Variants in MNAT1 observed in about 807,000 individuals in gnomAD.
MNAT1 encodes CDK-activating kinase assembly factor MAT1.
Under a neutral mutation model 42.0 loss-of-function variants are expected in MNAT1, and 43 were observed. The ratio of observed to expected loss-of-function variants is 1.02; its 90% CI spans 0.80 to 1.32. The LOEUF is 1.32. Among genes scored for constraint, MNAT1 ranks in the 40% most tolerant of loss-of-function variants. MNAT1 has a pLI of 0.00. For synonymous variants in MNAT1, 118 were observed against 120.0 expected, an observed-to-expected ratio of 0.98 and a Z score of 0.11; for missense variants, 306 against 350.4, an observed-to-expected ratio of 0.87 and a Z score of 1.01.
At chr14:60,936,944 T>A (rs2036010987) in intron 7 of MNAT1, among the ~76,000 whole-genome samples, 2 of 152,130 alleles carry the variant, frequency 1.3e-5, no homozygotes, top group Non-Finnish European at 1.5e-5. Context: ...GGTATCTCAT[T>A]GTGGTTTTGA....
chr14:60,954,811 G>A (rs979607618), intron 7 of MNAT1, among the ~76,000 whole-genome samples: 2 of 152,076 alleles, frequency 1.3e-5, no homozygotes, highest in African/African-American at 2.4e-5. Flanking sequence ...TAAAGGAAAA[G>A]CTTTCAACTT....
intron 7 of MNAT1, among the ~76,000 whole-genome samples, chr14:60,947,448 C>T (rs777124778): frequency 2.0e-5 from 3 of 151,974 alleles, no homozygotes; most frequent in Admixed American, 6.6e-5. Context: ...TTTGGGAGGC[C>T]GAGGCGGGTG....
intron 6 of MNAT1, among the ~76,000 whole-genome samples, chr14:60,869,888 G>A (rs1022213652): frequency 6.6e-6 from 1 of 152,052 alleles, no homozygotes; most frequent in African/African-American, 2.4e-5. Flanking sequence ...AACATAGTAT[G>A]TGTTTAGAGT....
chr14:60,941,945 A>G (rs2036170630), intron 7 of MNAT1, among the ~76,000 whole-genome samples: 1 of 126,786 alleles, frequency 7.9e-6, no homozygotes, highest in Non-Finnish European at 1.6e-5. Context: ...CGGAACTTGC[A>G]GTGAGCCGAG....
intron 7 of MNAT1, among the ~76,000 whole-genome samples, chr14:60,958,794 G>A (rs545456691): frequency 7.9e-5 from 12 of 151,470 alleles, no homozygotes; most frequent in African/African-American, 2.2e-4. Flanking sequence ...CCACCACCAC[G>A]CCTGGCTAAT....
chr14:60,895,836 T>C (rs1038241424), intron 7 of MNAT1, among the ~76,000 whole-genome samples: 1 of 152,172 alleles, frequency 6.6e-6, no homozygotes, highest in Non-Finnish European at 1.5e-5. Context: ...GTTGAAACTA[T>C]GTGACATGGT....
At chr14:60,888,486 A>C (rs1372076653) in intron 7 of MNAT1, among the ~76,000 whole-genome samples, 7 of 152,142 alleles carry the variant, frequency 4.6e-5, no homozygotes, top group African/African-American at 1.7e-4. Context: ...CCCATAGCCA[A>C]TATCATACAG....
intron 6 of MNAT1, among the ~76,000 whole-genome samples, chr14:60,867,270 C>T (rs192630337): frequency 1.3e-5 from 2 of 152,154 alleles, no homozygotes; most frequent in African/African-American, 4.8e-5. Flanking sequence ...GGTGCTGTGT[C>T]TGCAGGATGA....
chr14:60,828,418 C>T (rs1462532003), intron 6 of MNAT1, among the ~76,000 whole-genome samples: 2 of 151,806 alleles, frequency 1.3e-5, no homozygotes, highest in Non-Finnish European at 2.9e-5. Context: ...AATTTTGTAC[C>T]GTGTAGTTTT....
intron 6 of MNAT1, among the ~76,000 whole-genome samples, chr14:60,845,928 A>G (rs771409772): frequency 7.9e-5 from 12 of 152,106 alleles, no homozygotes; most frequent in Non-Finnish European, 1.3e-4. Context: ...TCTGCTTTCT[A>G]GAAGAGTTTC....
intron 7 of MNAT1, among the ~76,000 whole-genome samples, chr14:60,890,559 A>T (rs2034816435): frequency 6.6e-6 from 1 of 152,218 alleles, no homozygotes; most frequent in South Asian, 2.1e-4. Context: ...AGCCAGTCCG[A>T]GTCCCAAAAT....
intron 7 of MNAT1, among the ~76,000 whole-genome samples, chr14:60,934,329 G>T (rs536257598): frequency 7.9e-5 from 12 of 152,274 alleles, no homozygotes; most frequent in African/African-American, 1.7e-4. Context: ...GCCCTATTTT[G>T]TCTGGGTCTG....
In MNAT1 at chr14:60,968,323, A is replaced by G. The variant is rs1454761201; in HGVS notation, c.904A>G (p.Ser302Gly). The G allele has an allele frequency of 1.2e-6, 2 of 1,612,716 alleles. No homozygotes were observed. Among genetic ancestry groups the G allele is most frequent in the Non-Finnish European group, 8.5e-7 (1 of 1,179,646 alleles). Residue 302 changes from serine (S) to glycine (G), a missense_variant, in exon 8 of 8, where the codon AGT becomes GGT. Ser to Gly is a moderately conservative substitution (Grantham distance 56, BLOSUM62 0). This residue lies in a region of MNAT1 where 116 missense variants were observed against 139.6 expected (regional missense o/e 0.83). Transcript: ENST00000261245. ...ACHRALQDAFSGLFWQPS is the reference protein window; with the variant it reads ...ACHRALQDAFGGLFWQPS ...TCACAGAGCACTACAGGATGCATTCAGTGGGCTTTTCTGGCAGCCCAGTTA... is the reference window on the plus strand; with the variant it reads ...TCACAGAGCACTACAGGATGCATTCGGTGGGCTTTTCTGGCAGCCCAGTTA...
In MNAT1 at chr14:60,885,837, C is replaced by T. The variant is rs144437053; in HGVS notation, c.809+6002C>T. Among the ~76,000 whole-genome samples, 792 of 152,028 alleles carry T rather than the reference C, an allele frequency of 5.2e-3. 8 individuals carry two copies. The highest frequency in any genetic ancestry group is 0.018 in the African/African-American group (753 of 41,506). ...GGTGTCTTATCCAGAAAACCATTGCCAAAGTTAACATCAAGGATCTTTCTC... is the reference window on the plus strand; with the variant it reads ...GGTGTCTTATCCAGAAAACCATTGCTAAAGTTAACATCAAGGATCTTTCTC... On this transcript the variant is annotated intron_variant, in intron 7 of 7. Transcript: ENST00000261245.
chr14:60,757,856 T>G (rs764779959), intron 1 of MNAT1, among the ~76,000 whole-genome samples: 2 of 152,206 alleles, frequency 1.3e-5, no homozygotes, highest in African/African-American at 2.4e-5. Flanking sequence ...TATGACTTCC[T>G]GTGTACAAGG....
intron 1 of MNAT1, among the ~76,000 whole-genome samples, chr14:60,776,937 TC>T (rs950812736): frequency 1.2e-4 from 11 of 93,890 alleles, no homozygotes; most frequent in Admixed American, 2.7e-4. Context: ...AGCCTTGACT[TC>T]CCGGGCTCAG....
intron 6 of MNAT1, among the ~76,000 whole-genome samples, chr14:60,869,296 C>T (rs2034278072): frequency 6.6e-6 from 1 of 151,752 alleles, no homozygotes; most frequent in Non-Finnish European, 1.5e-5. Flanking sequence ...CTGCCTCGGC[C>T]TCCCAAAGTG....
intron 6 of MNAT1, among the ~76,000 whole-genome samples, chr14:60,823,789 G>A (rs1300348319): frequency 6.6e-6 from 1 of 152,090 alleles, no homozygotes; most frequent in Non-Finnish European, 1.5e-5. Context: ...AACTAGGGCG[G>A]CAGAGGTTGC....
chr14:60,776,766 A>G (rs1408711266), intron 1 of MNAT1, among the ~76,000 whole-genome samples: 2 of 152,220 alleles, frequency 1.3e-5, no homozygotes, highest in Admixed American at 6.5e-5. Context: ...GATTGTGATC[A>G]TGGCAGGAAA....
Sources: allele counts gnomAD v4.1 joint callset (sites outside exome capture counted in the v4.1 genomes callset), GRCh38; gene constraint gnomAD v4.1.1; regional missense constraint gnomAD v4.1.1; transcripts MANE v1.5; gene names NCBI Gene and HGNC (gene_info 2026-07-23, HGNC 2026-07-21).